The following ARGFX variants were observed in gnomAD, a reference collection of about 807,000 sequenced individuals.
ARGFX encodes arginine-fifty homeobox.
ARGFX carries 10 observed loss-of-function variants against 8.0 expected under a neutral mutation model. That is an observed-to-expected ratio of 1.25 (90% CI 0.77 to 2.12). The LOEUF is 2.12. Ranked by LOEUF, ARGFX falls within the 30% of genes most tolerant of loss-of-function variation. ARGFX has a pLI of 0.00. For synonymous variants in ARGFX, 116 were observed against 117.8 expected (o/e 0.98, Z 0.10); for missense variants, 282 against 324.3 (o/e 0.87, Z 1.00).
chr3:121,586,115 G>A lies in ARGFX; in HGVS notation c.463G>A (p.Val155Met). 1.2e-6 allele frequency: 2 copies of A among 1,611,892 alleles called. No homozygotes were observed. The highest frequency in any genetic ancestry group is 1.7e-6 in the Non-Finnish European group (2 of 1,179,354). The change falls in exon 5 of 5, where the codon GTG (valine) becomes ATG (methionine). Residue 155 changes from valine to methionine, a missense_variant. Transcript: ENST00000334384. ...RNQILPSKKNVPTSPRTSPSP... is the reference protein window; with the variant it reads ...RNQILPSKKNMPTSPRTSPSP... ...CCAGATCCTTCCATCCAAGAAGAAT[G>A]TGCCCACCTCCCCCAGAACATCCCC... is the stretch of plus-strand genomic sequence containing the variant.
chr3:121,585,874 C>A, intron 4 of ARGFX, 148 bp from the exon 5 acceptor site: 1 of 714,186 alleles, frequency 1.4e-6, no homozygotes, highest in Non-Finnish European at 2.3e-6. Flanking sequence ...TGACTCCAGT[C>A]ATGCCCATCT....
chr3:121,574,009 C>T (rs954377725), intron 2 of ARGFX, among the ~76,000 whole-genome samples: 3 of 151,832 alleles, frequency 2.0e-5, no homozygotes, highest in Non-Finnish European at 4.4e-5. Context: ...ATCAAAGAAA[C>T]AGAAAAGAAC....
At position 121,588,762 on chromosome 3, in the gene ARGFX, CA is replaced by C. The variant is rs34783142; in HGVS notation, c.*2177del. On this transcript the variant is annotated 3_prime_UTR_variant, in exon 5 of 5. Transcript: ENST00000334384. ...TGAAATCCTGCCTCTACTAAAAATA[CA>C]AAAAAAAAAAAAAATTAGCTGGGCA... 0.024 allele frequency among the ~76,000 whole-genome samples: 2,525 copies of C among 107,348 alleles called. 12 individuals carry two copies. Among genetic ancestry groups the C allele is most frequent in the East Asian group, 0.029 (106 of 3,630 alleles). 70.4% of individuals were successfully genotyped at this position (107,348 alleles called of 152,430 possible).
chr3:121,578,371 C>A (rs915671413), intron 3 of ARGFX, among the ~76,000 whole-genome samples: 10 of 152,186 alleles, frequency 6.6e-5, no homozygotes, highest in Middle Eastern at 6.8e-3. Context: ...AGGTGATCCA[C>A]CCACCTCAGC....
intron 2 of ARGFX, among the ~76,000 whole-genome samples, chr3:121,573,017 A>C (rs2048717646): frequency 6.6e-6 from 1 of 152,236 alleles, no homozygotes; most frequent in South Asian, 2.1e-4. Flanking sequence ...CTAAACACAA[A>C]AGCTAAAACT....
rs1174620508 is a variant in ARGFX, at chr3:121,579,945, C to CTTTTTTTT, written c.220+3064_220+3071dup. On this transcript the variant is annotated intron_variant, in intron 3 of 4. Transcript: ENST00000334384. ...CTTTCTTTTTCTTTTCTTTTCTTTT[C>CTTTTTTTT]TTTTTTTTTTTTTTTTTTTTTTTTT... Among the ~76,000 whole-genome samples, 190 of 91,542 alleles carry CTTTTTTTT rather than the reference C, an allele frequency of 2.1e-3. 11 individuals carry two copies. Among genetic ancestry groups the CTTTTTTTT allele is most frequent in the African/African-American group, 5.8e-3 (119 of 20,418 alleles). The allele number at this position is 91,542 out of a possible 152,430, so 60.1% of individuals were successfully genotyped here.
At chr3:121,569,362 CTTTT>C (rs1193645372) in intron 1 of ARGFX, among the ~76,000 whole-genome samples, 2 of 125,552 alleles carry the variant, frequency 1.6e-5, no homozygotes, top group Admixed American at 8.2e-5. Context: ...AATGTGAAAA[CTTTT>C]TTTTTTTTTT....
chr3:121,584,842 GT>G, intron 3 of ARGFX, 74 bp from the exon 4 acceptor site: 1 of 1,525,742 alleles, frequency 6.6e-7, no homozygotes, highest in African/African-American at 1.4e-5. Flanking sequence ...TTGTTTTTTG[GT>G]TTTTGTTTTT....
chr3:121,586,020 AG>A lies in ARGFX; in HGVS notation c.370del. 6.4e-7 allele frequency: 1 copy of A among 1,563,330 alleles called. No homozygotes were observed. Among genetic ancestry groups the A allele is most frequent in the Non-Finnish European group, 8.6e-7 (1 of 1,157,236 alleles). ...AATCTCCCCCTCTTCCCCTACTCCC[AG>A]GTTTGGTTCAGGAACCGGCGATTCA... is the stretch of plus-strand genomic sequence containing the variant. On this transcript the variant is annotated splice_acceptor_variant, in intron 4 of 4. Coordinates refer to ENST00000334384, the MANE Select transcript of ARGFX (RefSeq NM_001012659.2). LOFTEE classifies it high-confidence loss of function.
chr3:121,572,689 A>G (rs2048716024), intron 2 of ARGFX, among the ~76,000 whole-genome samples: 1 of 152,224 alleles, frequency 6.6e-6, no homozygotes, highest in African/African-American at 2.4e-5. Context: ...GGAATCCCAA[A>G]TAGCCAAAAT....
In ARGFX at chr3:121,586,694, A is replaced by G. The variant is rs1187597287; in HGVS notation, c.*94A>G. 1.2e-5 allele frequency: 13 copies of G among 1,059,550 alleles called. No individual in the cohort carries two copies. Among genetic ancestry groups the G allele is most frequent in the Non-Finnish European group, 1.6e-5 (12 of 743,116 alleles). 65.6% of individuals were successfully genotyped at this position (1,059,550 alleles called of 1,614,324 possible). A position where few individuals can be genotyped will look rare whatever the true frequency, so the allele number is the denominator to read the frequency against. On this transcript the variant is annotated 3_prime_UTR_variant, in exon 5 of 5. Coordinates refer to ENST00000334384, the MANE Select transcript of ARGFX (RefSeq NM_001012659.2). The stretch of plus-strand genomic sequence containing the variant: ...TTCCTTTGTCTCATTTTAACCCAAC[A>G]TCTGGGTCTGTGTCTCTGATTTCCA...
At chr3:121,572,151 C>T (rs979897612) in intron 2 of ARGFX, among the ~76,000 whole-genome samples, 3 of 151,652 alleles carry the variant, frequency 2.0e-5, no homozygotes, top group South Asian at 2.1e-4. Context: ...CCTTGTGATC[C>T]GCCTGCCTCT....
chr3:121,571,366 A>G (rs145348939), intron 2 of ARGFX, among the ~76,000 whole-genome samples: 5 of 152,222 alleles, frequency 3.3e-5, no homozygotes, highest in Admixed American at 3.3e-4. Context: ...TTTTCTATAC[A>G]CTAATAAGCA....
intron 2 of ARGFX, among the ~76,000 whole-genome samples, chr3:121,572,048 C>T (rs2048712029): frequency 6.6e-6 from 1 of 151,484 alleles, no homozygotes; most frequent in South Asian, 2.1e-4. Context: ...CCAGGATGGT[C>T]TAGGATCTCC....
In ARGFX at chr3:121,579,945, C is replaced by CTTTTTTTTTTTTTTTT. The variant is rs1174620508; in HGVS notation, c.220+3056_220+3071dup. On this transcript the variant is annotated intron_variant, in intron 3 of 4. Transcript: ENST00000334384. ...CTTTCTTTTTCTTTTCTTTTCTTTT[C>CTTTTTTTTTTTTTTTT]TTTTTTTTTTTTTTTTTTTTTTTTT... 5.8e-4 allele frequency among the ~76,000 whole-genome samples: 53 copies of CTTTTTTTTTTTTTTTT among 91,564 alleles called. 1 individual carries two copies. The highest frequency in any genetic ancestry group is 7.8e-4 in the East Asian group (3 of 3,866). 60.1% of individuals were successfully genotyped at this position (91,564 alleles called of 152,430 possible). A position where few individuals can be genotyped will look rare whatever the true frequency, so the allele number is the denominator to read the frequency against.
chr3:121,569,789 T>C (rs1255406212), intron 1 of ARGFX, among the ~76,000 whole-genome samples: 1 of 152,238 alleles, frequency 6.6e-6, no homozygotes, highest in Non-Finnish European at 1.5e-5. Context: ...CATTACATAC[T>C]GGTCATTTGC....
At chr3:121,574,601 G>A (rs1206815149) in intron 2 of ARGFX, among the ~76,000 whole-genome samples, 3 of 152,156 alleles carry the variant, frequency 2.0e-5, no homozygotes, top group Admixed American at 1.3e-4. Context: ...GACAGGAGGC[G>A]GAGCTCTGGC....
intron 3 of ARGFX, among the ~76,000 whole-genome samples, chr3:121,577,259 A>ATATATATATCTACATG (rs1403064031): frequency 1.7e-5 from 1 of 59,644 alleles, no homozygotes; most frequent in African/African-American, 6.2e-5. Flanking sequence ...ATATATATAT[A>ATATATATATCTACATG]TTTTTTTTTT....
At position 121,589,973 on chromosome 3, in the gene ARGFX, T is replaced by A. The variant is rs2048835763; in HGVS notation, c.*3373T>A. Among the ~76,000 whole-genome samples, 2 of 151,396 alleles carry A rather than the reference T, an allele frequency of 1.3e-5. No individual in the cohort carries two copies. Among genetic ancestry groups the A allele is most frequent in the Admixed American group, 6.6e-5 (1 of 15,228 alleles). ...ATAGAAAAGCAATACAGAAAAAAAATTATGAAATCAAAAGCTGGTTCTTTG... is the reference window on the plus strand; with the variant it reads ...ATAGAAAAGCAATACAGAAAAAAAAATATGAAATCAAAAGCTGGTTCTTTG... On this transcript the variant is annotated 3_prime_UTR_variant, in exon 5 of 5. Coordinates refer to ENST00000334384, the MANE Select transcript of ARGFX (RefSeq NM_001012659.2).
Sources: gnomAD v4.1 joint callset for allele counts (sites outside exome capture counted in the v4.1 genomes callset) on GRCh38, gnomAD v4.1.1 for gene constraint, MANE v1.5 for transcripts, NCBI Gene and HGNC (gene_info 2026-07-23, HGNC 2026-07-21) for gene names.